MORC3: variants seen among roughly 807,000 people sequenced by gnomAD.
MORC3 encodes MORC family CW-type zinc finger 3, also known as MORC family CW-type zinc finger protein 3.
Under a neutral mutation model 109.1 loss-of-function variants are expected in MORC3, and 31 were observed. That is an observed-to-expected ratio of 0.28 (90% CI 0.21 to 0.38). The LOEUF (loss-of-function observed/expected upper bound fraction) is 0.38. Ranked by LOEUF, MORC3 falls within the 10% of genes least tolerant of loss-of-function variation. The pLI is 1.00. For synonymous variants in MORC3, 395 were observed against 380.7 expected, an observed-to-expected ratio of 1.04 and a Z score of -0.44; for missense variants, 867 against 1,135.8, an observed-to-expected ratio of 0.76 and a Z score of 3.40.
chr21:36,363,097 T>C (rs1328216093), intron 13 of MORC3, among the ~76,000 whole-genome samples: 1 of 152,162 alleles, frequency 6.6e-6, no homozygotes, highest in Non-Finnish European at 1.5e-5. Flanking sequence ...AGGCTTACCG[T>C]AGAGTTACAT....
chr21:36,327,151 A>ATTTTT (rs2085256618), intron 1 of MORC3, among the ~76,000 whole-genome samples: 1 of 78,204 alleles, frequency 1.3e-5, no homozygotes, highest in African/African-American at 5.6e-5. Context: ...AATTGGCTTT[A>ATTTTT]TTTCTTTTTT....
chr21:36,349,011 G>A (rs1023712275), intron 8 of MORC3, among the ~76,000 whole-genome samples: 1 of 151,946 alleles, frequency 6.6e-6, no homozygotes, highest in Admixed American at 6.6e-5. Flanking sequence ...AATTAGCTGG[G>A]TTTGGTGGTG....
chr21:36,330,583 G>T (rs2085303841), intron 1 of MORC3, among the ~76,000 whole-genome samples: 1 of 152,170 alleles, frequency 6.6e-6, no homozygotes, highest in African/African-American at 2.4e-5. Context: ...ACCACCTGAG[G>T]GCTGTGTCAT....
At chr21:36,353,747 A>ATTTTTTTTTTTTTTTTT in intron 9 of MORC3, among the ~76,000 whole-genome samples, 1 of 65,512 alleles carries the variant, frequency 1.5e-5, no homozygotes, top group African/African-American at 8.6e-5. Flanking sequence ...AGCCCGGCTA[A>ATTTTTTTTTTTTTTTTT]TTTTTGTATT....
At chr21:36,339,525 A>G (rs1489102988) in intron 5 of MORC3, 10 of 148,834 alleles carry the variant, frequency 6.7e-5, no homozygotes, top group African/African-American at 4.9e-5. Context: ...AAAAAAGAAA[A>G]AAGAAAAAAA....
At chr21:36,361,285 T>C (rs2085711614) in intron 12 of MORC3, among the ~76,000 whole-genome samples, 1 of 151,602 alleles carries the variant, frequency 6.6e-6, no homozygotes, top group Non-Finnish European at 1.5e-5. Context: ...GGCTCACACC[T>C]GTAACCCCAG....
chr21:36,352,401 G>GA (rs1202935577), intron 9 of MORC3, among the ~76,000 whole-genome samples: 5 of 116,662 alleles, frequency 4.3e-5, no homozygotes, highest in Non-Finnish European at 9.9e-5. Context: ...AAAGGGGTGG[G>GA]GGGGGGCAGG....
chr21:36,370,370 G>A (rs1469999359), intron 15 of MORC3, among the ~76,000 whole-genome samples: 1 of 151,986 alleles, frequency 6.6e-6, no homozygotes, highest in East Asian at 1.9e-4. Flanking sequence ...GTCTTGAGAT[G>A]TGCATTCCTG....
intron 1 of MORC3, among the ~76,000 whole-genome samples, chr21:36,332,205 A>T (rs141101646): frequency 0.027 from 4,088 of 151,752 alleles, 75 homozygotes; most frequent in Admixed American, 0.048. Context: ...GAGGCTGAAG[A>T]GGGTGAATCA....
chr21:36,350,887 A>G lies in MORC3; in HGVS notation c.1103+1479A>G, dbSNP rs2085563093. Among the ~76,000 whole-genome samples, 3 of 152,130 alleles carry G rather than the reference A, an allele frequency of 2.0e-5. No homozygotes were observed. In the South Asian group the frequency reaches 6.2e-4, roughly 32 times the overall value. ...ATAATAGTTCATTTGTATGGAATAC[A>G]TGTGATATTTTGATACAAGCATACA... On this transcript the variant is annotated intron_variant, in intron 9 of 16. Transcript: ENST00000400485.
intron 15 of MORC3, among the ~76,000 whole-genome samples, chr21:36,372,092 C>T (rs528822652): frequency 1.3e-5 from 2 of 152,000 alleles, no homozygotes; most frequent in Non-Finnish European, 2.9e-5. Context: ...GGATTATAGG[C>T]GTGAGCCACC....
At chr21:36,366,828 A>G (rs2085787010) in intron 14 of MORC3, among the ~76,000 whole-genome samples, 1 of 152,236 alleles carries the variant, frequency 6.6e-6, no homozygotes, top group Non-Finnish European at 1.5e-5. Context: ...TCTAAGTCTT[A>G]GGAAATATAA....
chr21:36,365,061 A>AAC (rs561827119), intron 14 of MORC3, among the ~76,000 whole-genome samples: 176 of 151,844 alleles, frequency 1.2e-3, no homozygotes, highest in African/African-American at 3.9e-3. Context: ...CAAAAAAAAA[A>AAC]AAAAAAAAAC....
At chr21:36,325,046 C>T (rs2085234302) in intron 1 of MORC3, among the ~76,000 whole-genome samples, 1 of 152,152 alleles carries the variant, frequency 6.6e-6, no homozygotes, top group Admixed American at 6.5e-5. Context: ...TTAAAGCTGA[C>T]TGCAAAATTT....
intron 8 of MORC3, among the ~76,000 whole-genome samples, chr21:36,345,847 G>A (rs1817648034): frequency 6.6e-6 from 1 of 151,578 alleles, no homozygotes; most frequent in Admixed American, 6.6e-5. Context: ...GTGAGCCACC[G>A]CGCCCGGCTT....
intron 1 of MORC3, among the ~76,000 whole-genome samples, chr21:36,327,155 C>CTT (rs71326674): frequency 0.034 from 2,811 of 81,878 alleles, 333 homozygotes; most frequent in East Asian, 0.14. Flanking sequence ...GGCTTTATTT[C>CTT]TTTTTTTTTT....
chr21:36,320,285 C>T lies in MORC3; in HGVS notation c.21C>T (p.Arg7=), dbSNP rs1032100213. ...TCAAGATGGCGGCGCAGCCACCCCG[C>T]GGGATACGCCTCAGCGCGGTGAGCA... The part of the protein sequence containing the change: MAAQPP[R]GIRLSALCPK... The change falls in exon 1 of 17, where the codon CGC becomes CGT. Residue 7 remains arginine, a synonymous_variant. Coordinates refer to ENST00000400485, the MANE Select transcript of MORC3 (RefSeq NM_015358.3). 8 of 1,548,920 alleles carry T rather than the reference C, an allele frequency of 5.2e-6. No individual in the cohort carries two copies. In the Admixed American group the frequency reaches 5.6e-5, roughly 11 times the overall value.
chr21:36,364,688 C>T (rs763939198), intron 14 of MORC3, among the ~76,000 whole-genome samples: 18 of 151,740 alleles, frequency 1.2e-4, no homozygotes, highest in Non-Finnish European at 1.9e-4. Context: ...AGAGTTTGAT[C>T]GCATTCTCAC....
At chr21:36,329,784 A>G (rs971257460) in intron 1 of MORC3, among the ~76,000 whole-genome samples, 1 of 152,234 alleles carries the variant, frequency 6.6e-6, no homozygotes, top group African/African-American at 2.4e-5. Context: ...ATTGCCTTGC[A>G]AAGTTTGTCT....
Sources: allele counts gnomAD v4.1 joint callset (sites outside exome capture counted in the v4.1 genomes callset), GRCh38; gene constraint gnomAD v4.1.1; transcripts MANE v1.5; gene names NCBI Gene and HGNC (gene_info 2026-07-23, HGNC 2026-07-21).